MYBL2: variants seen among roughly 807,000 people sequenced by gnomAD.
The protein encoded by MYBL2 is MYB proto-oncogene like 2, also known as myb-related protein B.
MYBL2 carries 28 observed loss-of-function variants against 79.9 expected under a neutral mutation model. The observed-to-expected ratio is 0.35, with a 90% CI of 0.26 to 0.48. The LOEUF (loss-of-function observed/expected upper bound fraction) is 0.48, where lower values mean the gene tolerates loss of function less well. Ranked by LOEUF, MYBL2 falls within the 20% of genes least tolerant of loss-of-function variation. The pLI is 0.99. For synonymous variants in MYBL2, 378 were observed against 361.2 expected, an observed-to-expected ratio of 1.05 and a Z score of -0.53; for missense variants, 735 against 893.9, an observed-to-expected ratio of 0.82 and a Z score of 2.27.
At chr20:43,693,800 C>T (rs188622857) in intron 6 of MYBL2, among the ~76,000 whole-genome samples, 1 of 152,186 alleles carries the variant, frequency 6.6e-6, no homozygotes, top group African/African-American at 2.4e-5. Context: ...TCTGTAATCC[C>T]AGCACTTTGG....
chr20:43,682,693 G>C (rs1192102512), intron 3 of MYBL2, 101 bp from the exon 4 acceptor site: 1 of 1,057,490 alleles, frequency 9.5e-7, no homozygotes, highest in Non-Finnish European at 1.5e-6. Context: ...GGTGTGCCTA[G>C]TCCCAGGCCA....
Position 43,702,772 on chromosome 20 carries a change from C to T in MYBL2, c.1234C>T (p.Arg412Trp), listed in dbSNP as rs151006861. 7.5e-5 allele frequency: 121 copies of T among 1,614,068 alleles called. No individual in the cohort carries two copies. The highest frequency in any genetic ancestry group is 1.6e-4 in the Middle Eastern group (1 of 6,084). The change falls in exon 8 of 14, where the codon CGG becomes TGG. Residue 412 changes from arginine to tryptophan, a missense_variant. Arg to Trp is a moderately radical substitution (Grantham distance 101). Coordinates refer to ENST00000217026, the MANE Select transcript of MYBL2 (RefSeq NM_002466.4). ...TGGCACACCGCCCTCTGTGCTCAAG[C>T]GGCAGAGGAAGAGGCGTGTGGCTCT... ...GIGTPPSVLK[R>W]QRKRRVALSP...
intron 6 of MYBL2, among the ~76,000 whole-genome samples, chr20:43,695,345 T>C (rs1282059467): frequency 6.6e-6 from 1 of 152,130 alleles, no homozygotes; most frequent in African/African-American, 2.4e-5. Context: ...CGGGCCTGTG[T>C]TGATTTCAGC....
rs370556017 is a variant in MYBL2 at position 43,689,961 on chromosome 20, G to A, written c.501-2196G>A. Among the ~76,000 whole-genome samples the A allele has an allele frequency of 3.6e-3, 555 of 152,282 alleles. 4 individuals carry two copies. The highest frequency in any genetic ancestry group is 7.9e-3 in the South Asian group (38 of 4,818). ...TGACTCAAGAGTTTCAGGTACATGG[G>A]ATCTCTTGGAAAGGTTCTCACCTGT... On this transcript the variant is annotated intron_variant, in intron 5 of 13. Transcript: ENST00000217026.
rs570108412 is a variant in MYBL2 at position 43,682,584 on chromosome 20, C to T, written c.187-210C>T. Among the ~76,000 whole-genome samples the T allele has an allele frequency of 4.5e-4, 68 of 152,290 alleles. 1 individual carries two copies. The South Asian group carries it at 7.7e-3, about 17-fold the overall frequency. On this transcript the variant is annotated intron_variant, in intron 3 of 13. Transcript: ENST00000217026. Reference sequence around the variant, plus strand: ...TAGGGAGCGGCTTCCCACAGGGGACCGAGTTTGCCCTCTCGTGTAGCAAAG... The same window carrying T: ...TAGGGAGCGGCTTCCCACAGGGGACTGAGTTTGCCCTCTCGTGTAGCAAAG...
At chr20:43,693,416 G>T (rs1432960731) in intron 6 of MYBL2, among the ~76,000 whole-genome samples, 1 of 152,082 alleles carries the variant, frequency 6.6e-6, no homozygotes, top group Non-Finnish European at 1.5e-5. Flanking sequence ...ATAGCTCACT[G>T]CAACCTCCGC....
intron 2 of MYBL2, among the ~76,000 whole-genome samples, chr20:43,681,276 C>G (rs390076): frequency 0.78 from 118,925 of 151,954 alleles, 47,007 homozygotes; most frequent in Non-Finnish European, 0.84. Flanking sequence ...CAGCCCCTTT[C>G]CCACCCTGTA....
In MYBL2 at chr20:43,713,149, C is replaced by T. The variant is rs1987950176; in HGVS notation, c.1824+43C>T. 5 of 1,543,504 alleles carry T rather than the reference C, an allele frequency of 3.2e-6. No homozygotes were observed. The Admixed American group carries it at 7.2e-5, about 22-fold the overall frequency. The stretch of plus-strand genomic sequence containing the variant: ...TGGAACTGTTGAGTTTTGGAGAGGA[C>T]CCTCAAGGTGGAGTTAGTGTAGTGA... On this transcript the variant is annotated intron_variant, in intron 12 of 13. Transcript: ENST00000217026.
At chr20:43,705,122 G>A in intron 8 of MYBL2, 97 bp from the exon 9 acceptor site, 1 of 1,481,336 alleles carries the variant, frequency 6.8e-7, no homozygotes, top group Non-Finnish European at 9.2e-7. Flanking sequence ...ACGTTTTGGG[G>A]GAGAGGCTCA....
Position 43,709,946 on chromosome 20 carries a change from G to C in MYBL2, c.1506-17G>C, listed in dbSNP as rs369837256. ...CCCCTATCCTGTCACTAGTTCCCCC[G>C]TTCTGGCCCCTGGCAGGTTTGTAAC... is the stretch of plus-strand genomic sequence containing the variant. On this transcript the variant is annotated splice_polypyrimidine_tract_variant and intron_variant, in intron 9 of 13. Transcript: ENST00000217026. 11 of 1,588,022 alleles carry C rather than the reference G, an allele frequency of 6.9e-6. No homozygotes were observed. The highest frequency in any genetic ancestry group is 1.2e-5 in the South Asian group (1 of 86,860).
At chr20:43,676,951 T>C (rs1361385642) in intron 2 of MYBL2, among the ~76,000 whole-genome samples, 1 of 152,174 alleles carries the variant, frequency 6.6e-6, no homozygotes, top group Non-Finnish European at 1.5e-5. Context: ...GGTCTTGCTA[T>C]GTTGCCCAGG....
At chr20:43,667,339 T>C (rs1332277435) in intron 1 of MYBL2, 36 bp downstream of exon 1, 6 of 1,159,144 alleles carry the variant, frequency 5.2e-6, no homozygotes, top group Middle Eastern at 3.4e-4. Flanking sequence ...CCCCTCCCCC[T>C]CCCTTTAACT....
intron 13 of MYBL2, 47 bp from the exon 14 acceptor site, chr20:43,715,912 G>A (rs760398250): frequency 1.3e-5 from 20 of 1,572,056 alleles, no homozygotes; most frequent in Non-Finnish European, 1.7e-5. Context: ...GGTCTGTTGG[G>A]AACACATAGT....
At chr20:43,694,767 T>C (rs908745644) in intron 6 of MYBL2, among the ~76,000 whole-genome samples, 4 of 152,210 alleles carry the variant, frequency 2.6e-5, no homozygotes, top group Non-Finnish European at 5.9e-5. Flanking sequence ...GACAATTTCT[T>C]GTACATCTAA....
intron 8 of MYBL2, among the ~76,000 whole-genome samples, chr20:43,704,789 C>T (rs1024359370): frequency 6.6e-6 from 1 of 152,142 alleles, no homozygotes; most frequent in Non-Finnish European, 1.5e-5. Context: ...GTGTGAAGTG[C>T]TTAGCACTGG....
At chr20:43,697,962 G>A (rs1181006117) in intron 6 of MYBL2, among the ~76,000 whole-genome samples, 1 of 148,802 alleles carries the variant, frequency 6.7e-6, no homozygotes, top group Non-Finnish European at 1.5e-5. Context: ...GCAATGTGAT[G>A]TTTTGATTCA....
chr20:43,715,107 G>T, intron 12 of MYBL2, 27 bp from the exon 13 acceptor site: 2 of 1,610,222 alleles, frequency 1.2e-6, no homozygotes, highest in South Asian at 2.2e-5. Flanking sequence ...GCAAAATGGT[G>T]ACTCCTTGAC....
At position 43,673,790 on chromosome 20, in the gene MYBL2, C is replaced by T. The variant is rs1311080147; in HGVS notation, c.21-16C>T. 1 of 1,571,284 alleles carries T rather than the reference C, an allele frequency of 6.4e-7. No homozygotes were observed. Among genetic ancestry groups the T allele is most frequent in the Non-Finnish European group, 8.6e-7 (1 of 1,156,936 alleles). ...TGGACACACCATCCTTGACCCTTGGCCTGCTTTCCCCATAGCGAGGATCTG... is the reference window on the plus strand; with the variant it reads ...TGGACACACCATCCTTGACCCTTGGTCTGCTTTCCCCATAGCGAGGATCTG... On this transcript the variant is annotated splice_polypyrimidine_tract_variant and intron_variant, in intron 1 of 13. Transcript: ENST00000217026.
intron 7 of MYBL2, among the ~76,000 whole-genome samples, chr20:43,701,654 C>T (rs988640918): frequency 6.6e-6 from 1 of 152,202 alleles, no homozygotes. Context: ...TTGGAAATAA[C>T]TTTTGTGAGC....
Sources: allele counts gnomAD v4.1 joint callset (sites outside exome capture counted in the v4.1 genomes callset), GRCh38; gene constraint gnomAD v4.1.1; transcripts MANE v1.5; gene names NCBI Gene and HGNC (gene_info 2026-07-23, HGNC 2026-07-21).